ME3: variants seen among roughly 807,000 people sequenced by gnomAD.
ME3 encodes malic enzyme 3.
ME3 carries 48 observed loss-of-function variants against 68.9 expected under a neutral mutation model. The ratio of observed to expected loss-of-function variants is 0.70; its 90% CI spans 0.55 to 0.89. The LOEUF (loss-of-function observed/expected upper bound fraction) is 0.89, where lower values mean the gene tolerates loss of function less well. Ranked by LOEUF, ME3 falls within the 40% of genes least tolerant of loss-of-function variation. The pLI is 0.00. For synonymous variants in ME3, 320 were observed against 318.8 expected (o/e 1.00, Z -0.04); for missense variants, 675 against 797.4 (o/e 0.85, Z 1.85).
At chr11:86,612,326 G>A (rs1017652643) in intron 2 of ME3, among the ~76,000 whole-genome samples, 1 of 152,104 alleles carries the variant, frequency 6.6e-6, no homozygotes, top group African/African-American at 2.4e-5. Flanking sequence ...TGACCATTTG[G>A]GTTGGTTCTA....
At chr11:86,546,380 C>T (rs1956359658) in intron 4 of ME3, among the ~76,000 whole-genome samples, 1 of 152,090 alleles carries the variant, frequency 6.6e-6, no homozygotes, top group South Asian at 2.1e-4. Context: ...AACAGGCAGC[C>T]TACAGAATGG....
chr11:86,612,853 G>A (rs565471300), intron 2 of ME3, among the ~76,000 whole-genome samples: 1 of 152,244 alleles, frequency 6.6e-6, no homozygotes, highest in East Asian at 1.9e-4. Context: ...CTCCCATTCT[G>A]TAGATTGCCT....
chr11:86,498,043 G>T, exon 6 of ME3: 1 of 1,613,784 alleles, frequency 6.2e-7, no homozygotes, highest in Non-Finnish European at 8.5e-7. Context: ...TACAGGGCCA[G>T]CTTGCCCACA....
intron 2 of ME3, among the ~76,000 whole-genome samples, chr11:86,641,095 T>C (rs1190102561): frequency 2.7e-5 from 4 of 149,734 alleles, no homozygotes; most frequent in Non-Finnish European, 5.9e-5. Context: ...GAATGCATAA[T>C]ATATATTTAA....
intron 2 of ME3, among the ~76,000 whole-genome samples, chr11:86,637,393 G>C (rs1012624388): frequency 2.0e-5 from 3 of 147,858 alleles, no homozygotes; most frequent in Non-Finnish European, 4.5e-5. Flanking sequence ...AGTGTGATAA[G>C]TGCCATGGCA....
chr11:86,481,557 T>A (rs1168094169), intron 7 of ME3, among the ~76,000 whole-genome samples: 2 of 152,122 alleles, frequency 1.3e-5, no homozygotes, highest in African/African-American at 2.4e-5. Context: ...GACCCACTGC[T>A]TTGCTCCAGA....
In ME3 at chr11:86,548,857, G is replaced by C. The variant is rs183302239; in HGVS notation, c.467+7696C>G. 8.5e-5 allele frequency among the ~76,000 whole-genome samples: 13 copies of C among 152,314 alleles called. No individual in the cohort carries two copies. In the East Asian group the frequency reaches 1.7e-3, roughly 20 times the overall value. On this transcript the variant is annotated intron_variant, in intron 4 of 14. Coordinates refer to ENST00000543262, the Ensembl canonical transcript of ME3. ...TCCCAGCTCCTTCTACTAATGTACA[G>C]TGGGCCGTGGAAATGTCTTCTACTC...
chr11:86,559,466 TC>T (rs111704213), intron 3 of ME3, among the ~76,000 whole-genome samples: 6 of 152,272 alleles, frequency 3.9e-5, no homozygotes, highest in African/African-American at 1.4e-4. Flanking sequence ...GAATGCAGTT[TC>T]CCTTCCCATT....
At chr11:86,510,572 T>C (rs185167517) in intron 4 of ME3, among the ~76,000 whole-genome samples, 2 of 152,226 alleles carry the variant, frequency 1.3e-5, no homozygotes, top group Non-Finnish European at 2.9e-5. Flanking sequence ...TTTGGCACTA[T>C]TGACATTTTG....
chr11:86,499,601 C>T (rs1416770068), intron 5 of ME3, among the ~76,000 whole-genome samples: 3 of 152,174 alleles, frequency 2.0e-5, no homozygotes, highest in Non-Finnish European at 4.4e-5. Context: ...GGGATCTTCT[C>T]ACTTCCATTC....
chr11:86,500,076 C>G (rs1180516542), intron 5 of ME3, among the ~76,000 whole-genome samples: 1 of 152,202 alleles, frequency 6.6e-6, no homozygotes, highest in Non-Finnish European at 1.5e-5. Flanking sequence ...TTGGCGCCAC[C>G]CTCTCTGCAG....
chr11:86,525,209 G>A lies in ME3; in HGVS notation c.468-16342C>T, dbSNP rs145605641. ...TTCTCATCTGTAAAATAGGGGCAAT[G>A]AAATGTTTCCAATAGAGCAGTGACA... On this transcript the variant is annotated intron_variant, in intron 4 of 14. Coordinates refer to ENST00000543262, the Ensembl canonical transcript of ME3. 6.4e-3 allele frequency among the ~76,000 whole-genome samples: 977 copies of A among 152,282 alleles called. 9 individuals are homozygous for A. The highest frequency in any genetic ancestry group is 0.023 in the African/African-American group (940 of 41,556).
At chr11:86,538,957 A>C (rs1955865309) in intron 4 of ME3, among the ~76,000 whole-genome samples, 2 of 152,066 alleles carry the variant, frequency 1.3e-5, no homozygotes, top group Admixed American at 6.5e-5. Flanking sequence ...CATTTCTTTG[A>C]CCAGAATTAG....
rs548798964 is a variant in ME3 at position 86,619,060 on chromosome 11, T to C, written c.183+52702A>G. ...GCACCTTCTTCCCCCCAACCCGCCA[T>C]TGCTCTTGCTTATGCCATGTTATGT... On this transcript the variant is annotated intron_variant, in intron 2 of 14. Coordinates refer to ENST00000543262, the Ensembl canonical transcript of ME3. Among the ~76,000 whole-genome samples, 4 of 152,286 alleles carry C rather than the reference T, an allele frequency of 2.6e-5. No homozygotes were observed. In the South Asian group the frequency reaches 8.3e-4, roughly 32 times the overall value.
intron 4 of ME3, among the ~76,000 whole-genome samples, chr11:86,524,912 G>T (rs1014323265): frequency 6.6e-6 from 1 of 152,152 alleles, no homozygotes; most frequent in East Asian, 1.9e-4. Flanking sequence ...ACTAAGTTCC[G>T]CCTCCAAACT....
chr11:86,623,752 C>T lies in ME3; in HGVS notation c.183+48010G>A, dbSNP rs544874112. On this transcript the variant is annotated intron_variant, in intron 2 of 14. Coordinates refer to ENST00000543262, the Ensembl canonical transcript of ME3. ...CAGTCAACCAGTATTTCACAGTTAC[C>T]TCTGAGGGTCTTTCCAGTTCGGTAG... is the stretch of plus-strand genomic sequence containing the variant. Among the ~76,000 whole-genome samples the T allele has an allele frequency of 2.0e-5, 3 of 152,260 alleles. No homozygotes were observed. The South Asian group carries it at 6.2e-4, about 32-fold the overall frequency.
intron 7 of ME3, among the ~76,000 whole-genome samples, chr11:86,476,936 T>G (rs1951113480): frequency 6.6e-6 from 1 of 152,124 alleles, no homozygotes; most frequent in African/African-American, 2.4e-5. Flanking sequence ...GTTGGACATG[T>G]GAATGGATAT....
chr11:86,519,544 C>G (rs1467091641), intron 4 of ME3, among the ~76,000 whole-genome samples: 1 of 152,190 alleles, frequency 6.6e-6, no homozygotes, highest in Admixed American at 6.5e-5. Flanking sequence ...TTAATTAAAA[C>G]AGAGTCAGTG....
intron 5 of ME3, among the ~76,000 whole-genome samples, chr11:86,506,195 TGG>T (rs1429930099): frequency 6.6e-6 from 1 of 152,192 alleles, no homozygotes; most frequent in African/African-American, 2.4e-5. Context: ...CTCTCTTATT[TGG>T]GGCCTGCTGG....
Sources: gnomAD v4.1 joint callset for allele counts (sites outside exome capture counted in the v4.1 genomes callset) on GRCh38, gnomAD v4.1.1 for gene constraint, MANE v1.5 for transcripts, NCBI Gene and HGNC (gene_info 2026-07-23, HGNC 2026-07-21) for gene names.